The following FAM135B variants were observed in gnomAD, a reference collection of about 807,000 sequenced individuals.
FAM135B encodes the protein family with sequence similarity 135 member B.
In FAM135B, 43 loss-of-function variants were observed where a neutral mutation model predicts 127.7. The observed-to-expected ratio is 0.34, with a 90% CI of 0.26 to 0.43. The LOEUF (loss-of-function observed/expected upper bound fraction) is 0.43. FAM135B is among the 20% of genes least tolerant of loss of function. The pLI is 1.00. For missense variants in FAM135B, 1,558 were observed against 1,725.6 expected (o/e 0.90, Z 1.72); for synonymous variants, 670 against 665.1 (o/e 1.01, Z -0.11).
intron 2 of FAM135B, among the ~76,000 whole-genome samples, chr8:138,344,589 T>C (rs1241620305): frequency 7.4e-6 from 1 of 135,658 alleles, no homozygotes; most frequent in Non-Finnish European, 1.7e-5. Context: ...TTTTTTTTTT[T>C]TTTTGTTAAG....
At chr8:138,249,081 C>T (rs1285246115) in intron 6 of FAM135B, among the ~76,000 whole-genome samples, 1 of 152,148 alleles carries the variant, frequency 6.6e-6, no homozygotes, top group African/African-American at 2.4e-5. Flanking sequence ...TCTCTTGCCT[C>T]ATCTTCAGCA....
At chr8:138,266,648 C>CAT (rs957072978) in intron 3 of FAM135B, among the ~76,000 whole-genome samples, 13 of 146,608 alleles carry the variant, frequency 8.9e-5, no homozygotes, top group South Asian at 2.1e-4. Context: ...CGTATATATA[C>CAT]ATATATATAT....
chr8:138,225,288 T>C (rs997768026), intron 7 of FAM135B, among the ~76,000 whole-genome samples: 3 of 151,962 alleles, frequency 2.0e-5, no homozygotes, highest in African/African-American at 4.8e-5. Flanking sequence ...AGGAAAGATA[T>C]GGATCTCTCT....
chr8:138,292,403 T>C (rs1825177178), intron 3 of FAM135B, among the ~76,000 whole-genome samples: 1 of 151,830 alleles, frequency 6.6e-6, no homozygotes, highest in South Asian at 2.1e-4. Flanking sequence ...TTCACATAAA[T>C]AGAAAAAAGA....
chr8:138,337,613 A>C (rs905782738), intron 2 of FAM135B, among the ~76,000 whole-genome samples: 12 of 152,192 alleles, frequency 7.9e-5, no homozygotes, highest in Non-Finnish European at 1.2e-4. Flanking sequence ...AAAAGAAGAC[A>C]CAAACAAATG....
intron 7 of FAM135B, among the ~76,000 whole-genome samples, chr8:138,229,789 T>C (rs1819773903): frequency 6.6e-6 from 1 of 152,104 alleles, no homozygotes; most frequent in Non-Finnish European, 1.5e-5. Flanking sequence ...ATGGCACCTC[T>C]TCTCAGGGTG....
intron 11 of FAM135B, among the ~76,000 whole-genome samples, chr8:138,169,487 A>G: frequency 6.7e-6 from 1 of 149,780 alleles, no homozygotes. Flanking sequence ...GGATTATTTA[A>G]CTCTTTAAAT....
At chr8:138,286,025 T>C (rs1824656372) in intron 3 of FAM135B, among the ~76,000 whole-genome samples, 3 of 152,034 alleles carry the variant, frequency 2.0e-5, no homozygotes, top group South Asian at 4.2e-4. Flanking sequence ...ACTTACACTA[T>C]AGAAAAACAA....
At chr8:138,472,616 G>C (rs1376781730) in intron 1 of FAM135B, among the ~76,000 whole-genome samples, 1 of 148,854 alleles carries the variant, frequency 6.7e-6, no homozygotes, top group South Asian at 2.2e-4. Flanking sequence ...AGAGCAGAAG[G>C]AGAAAAAGTG....
chr8:138,180,001 T>C (rs923105797), intron 9 of FAM135B, among the ~76,000 whole-genome samples: 1 of 152,206 alleles, frequency 6.6e-6, no homozygotes, highest in African/African-American at 2.4e-5. Context: ...GGGAGATTCC[T>C]GGTTACATTA....
chr8:138,159,383 A>G (rs542237707), intron 12 of FAM135B, among the ~76,000 whole-genome samples: 7 of 151,420 alleles, frequency 4.6e-5, no homozygotes, highest in African/African-American at 1.7e-4. Flanking sequence ...GACTGGATGA[A>G]GAAAATGTGG....
chr8:138,339,027 G>A (rs1828833585), intron 2 of FAM135B, among the ~76,000 whole-genome samples: 2 of 149,286 alleles, frequency 1.3e-5, no homozygotes, highest in African/African-American at 4.9e-5. Flanking sequence ...ACCAAACACC[G>A]CATGTTCTCA....
At chr8:138,316,488 C>T (rs1281175838) in intron 2 of FAM135B, among the ~76,000 whole-genome samples, 2 of 148,390 alleles carry the variant, frequency 1.3e-5, no homozygotes, top group Non-Finnish European at 2.9e-5. Context: ...AACGAGACTC[C>T]GTCTCAAAAA....
At chr8:138,190,902 C>G (rs1410272468) in intron 9 of FAM135B, among the ~76,000 whole-genome samples, 2 of 152,156 alleles carry the variant, frequency 1.3e-5, no homozygotes, top group East Asian at 1.9e-4. Flanking sequence ...GTTGCCCCAC[C>G]TTTTTGGACC....
At chr8:138,363,829 G>T (rs1211068732) in intron 2 of FAM135B, among the ~76,000 whole-genome samples, 1 of 152,096 alleles carries the variant, frequency 6.6e-6, no homozygotes, top group Non-Finnish European at 1.5e-5. Flanking sequence ...GTAACAATGA[G>T]CTGCAACATT....
At chr8:138,472,797 C>T (rs574254077) in intron 1 of FAM135B, among the ~76,000 whole-genome samples, 1 of 152,264 alleles carries the variant, frequency 6.6e-6, no homozygotes, top group East Asian at 1.9e-4. Context: ...TAGAAGGACT[C>T]AAGACTGAGC....
intron 1 of FAM135B, among the ~76,000 whole-genome samples, chr8:138,375,826 A>G (rs1831436060): frequency 6.6e-6 from 1 of 152,084 alleles, no homozygotes; most frequent in African/African-American, 2.4e-5. Flanking sequence ...CTCTATTCCA[A>G]AATTGTGACC....
chr8:138,299,302 T>C (rs549443539), intron 3 of FAM135B, among the ~76,000 whole-genome samples: 1 of 152,198 alleles, frequency 6.6e-6, no homozygotes, highest in South Asian at 2.1e-4. Flanking sequence ...CTGTTGCCTA[T>C]CAAAGAAGGC....
At chr8:138,157,879 T>C (rs1480130231) in intron 12 of FAM135B, among the ~76,000 whole-genome samples, 1 of 152,178 alleles carries the variant, frequency 6.6e-6, no homozygotes, top group East Asian at 1.9e-4. Context: ...ATGCCCAAGG[T>C]AATTTATAGA....
Sources: allele counts gnomAD v4.1 joint callset (sites outside exome capture counted in the v4.1 genomes callset), GRCh38; gene constraint gnomAD v4.1.1; transcripts MANE v1.5; gene names NCBI Gene and HGNC (gene_info 2026-07-23, HGNC 2026-07-21).